TLN2: variants seen among roughly 807,000 people sequenced by gnomAD.
TLN2 encodes the protein talin-2.
Under a neutral mutation model 294.7 loss-of-function variants are expected in TLN2, and 118 were observed. That is an observed-to-expected ratio of 0.40 (90% CI 0.34 to 0.47). The LOEUF is 0.47. Ranked by LOEUF, TLN2 falls within the 20% of genes least tolerant of loss-of-function variation. TLN2 has a pLI of 0.84. For synonymous variants in TLN2, 1,431 were observed against 1,304.5 expected (o/e 1.10, Z -2.09); for missense variants, 3,083 against 3,282.2 (o/e 0.94, Z 1.48).
chr15:62,515,423 T>C (rs985980901), intron 1 of TLN2, among the ~76,000 whole-genome samples: 5 of 152,200 alleles, frequency 3.3e-5, no homozygotes, highest in African/African-American at 1.2e-4. Flanking sequence ...AGCCAGCAAG[T>C]TGTGGTCTTG....
At chr15:62,761,909 C>T (rs566312990) in intron 38 of TLN2, 88 bp downstream of exon 38, 51 of 1,545,460 alleles carry the variant, frequency 3.3e-5, no homozygotes, top group Non-Finnish European at 4.1e-5. Flanking sequence ...ACTCCAACAG[C>T]TCTCTCTGTC....
intron 57 of TLN2, among the ~76,000 whole-genome samples, chr15:62,836,310 C>T (rs151094528): frequency 6.6e-6 from 1 of 152,250 alleles, no homozygotes; most frequent in Admixed American, 6.5e-5. Flanking sequence ...TCCTCGCCAG[C>T]CCAACCCAGC....
At chr15:62,643,424 TTTTTTTTTTTTTTTTTG>T (rs1411386593) in intron 3 of TLN2, among the ~76,000 whole-genome samples, 1 of 147,116 alleles carries the variant, frequency 6.8e-6, no homozygotes. Flanking sequence ...TTTTTTTTTT[TTTTTTTTTTTTTTTTTG>T]GTATATTGTG....
In TLN2 at chr15:62,545,926, C is replaced by G. The variant is rs1185077693; in HGVS notation, c.-237-43761C>G. Among the ~76,000 whole-genome samples the G allele has an allele frequency of 2.6e-5, 4 of 152,160 alleles. No individual in the cohort carries two copies. In the East Asian group the frequency reaches 5.8e-4, roughly 22 times the overall value. On this transcript the variant is annotated intron_variant, in intron 1 of 58. Transcript: ENST00000636159. ...GAGAGAGTGCCAGAAGAGGACTTGG[C>G]AATGTCTCAGCATTCCAGGTCTTTG...
rs112574950 is a variant in TLN2 at position 62,599,812 on chromosome 15, C to A, written c.-162+10050C>A. Among the ~76,000 whole-genome samples, 124 of 152,200 alleles carry A rather than the reference C, an allele frequency of 8.1e-4. 1 individual carries two copies. The highest frequency in any genetic ancestry group is 2.9e-3 in the African/African-American group (120 of 41,514). ...CGGCACAGAGGGTGAGCTGTGTGAA[C>A]GTGGGAGTGAGCGCTTGCTGTCCCT... is the stretch of plus-strand genomic sequence containing the variant. On this transcript the variant is annotated intron_variant, in intron 2 of 58. Coordinates refer to ENST00000636159, the MANE Select transcript of TLN2 (RefSeq NM_015059.3).
intron 55 of TLN2, 72 bp from the exon 56 acceptor site, chr15:62,835,665 G>T: frequency 6.4e-7 from 1 of 1,560,356 alleles, no homozygotes; most frequent in Non-Finnish European, 8.8e-7. Flanking sequence ...CCCGAGCAAG[G>T]TCTGGGGATG....
intron 1 of TLN2, chr15:62,561,625 A>C (rs2042964140): frequency 1.3e-5 from 2 of 152,234 alleles, no homozygotes; most frequent in African/African-American, 4.8e-5. Context: ...CTAATGAGCC[A>C]AGCGCTTTCT....
chr15:62,781,822 G>C (rs373254489), intron 44 of TLN2, among the ~76,000 whole-genome samples: 32 of 152,192 alleles, frequency 2.1e-4, no homozygotes, highest in African/African-American at 7.7e-4. Flanking sequence ...TTTGGTTTTT[G>C]TTGTTTTGTT....
At position 62,436,475 on chromosome 15, in the gene TLN2, T is replaced by C. The variant is rs150342601; in HGVS notation, c.-238+45790T>C. Among the ~76,000 whole-genome samples the C allele has an allele frequency of 2.0e-3, 298 of 152,282 alleles. 4 individuals carry two copies. The highest frequency in any genetic ancestry group is 6.7e-3 in the African/African-American group (279 of 41,556). ...TAACCTGAGTGGGAGTTTGCCAGCC[T>C]TTCGTGAGCAGGTGGCAGGATGTCA... On this transcript the variant is annotated intron_variant, in intron 1 of 58. Transcript: ENST00000636159.
chr15:62,670,665 A>C (rs1175424066), intron 9 of TLN2, among the ~76,000 whole-genome samples: 2 of 152,176 alleles, frequency 1.3e-5, no homozygotes, highest in Non-Finnish European at 2.9e-5. Flanking sequence ...TTAGATCCAA[A>C]TGATGTTCCA....
intron 2 of TLN2, among the ~76,000 whole-genome samples, chr15:62,608,854 G>A (rs1342622948): frequency 6.6e-6 from 1 of 152,084 alleles, no homozygotes; most frequent in Non-Finnish European, 1.5e-5. Flanking sequence ...GAGAGAACTT[G>A]AGGAGATTAT....
At chr15:62,667,190 T>A (rs973257399) in intron 9 of TLN2, among the ~76,000 whole-genome samples, 2 of 152,096 alleles carry the variant, frequency 1.3e-5, no homozygotes, top group Non-Finnish European at 1.5e-5. Flanking sequence ...ATGGTCTCGA[T>A]CTCCTGACCT....
At chr15:62,614,029 C>T (rs1234879648) in intron 2 of TLN2, among the ~76,000 whole-genome samples, 1 of 152,156 alleles carries the variant, frequency 6.6e-6, no homozygotes, top group Admixed American at 6.6e-5. Flanking sequence ...AAGCTAATGG[C>T]TGTGTTCATC....
chr15:62,809,061 C>G (rs933507516), intron 51 of TLN2, among the ~76,000 whole-genome samples: 1 of 152,156 alleles, frequency 6.6e-6, no homozygotes. Context: ...TTATGTATTT[C>G]TGCAAGCCCC....
At chr15:62,797,791 C>T (rs779081509) in intron 48 of TLN2, among the ~76,000 whole-genome samples, 3 of 152,104 alleles carry the variant, frequency 2.0e-5, no homozygotes, top group South Asian at 2.1e-4. Context: ...ATTGAAGTGC[C>T]GGAGCCACAC....
chr15:62,671,156 G>A (rs1218403755), intron 9 of TLN2, among the ~76,000 whole-genome samples: 3 of 151,980 alleles, frequency 2.0e-5, no homozygotes, highest in Non-Finnish European at 2.9e-5. Context: ...TCAGTTAAAG[G>A]TTTTTTATAT....
intron 25 of TLN2, among the ~76,000 whole-genome samples, chr15:62,721,948 A>T (rs1175735653): frequency 6.6e-6 from 1 of 152,202 alleles, no homozygotes; most frequent in African/African-American, 2.4e-5. Flanking sequence ...GTGCGAGGTC[A>T]TGTTAGCTGT....
In TLN2 at chr15:62,633,548, T is replaced by C. The variant is rs1359432397; in HGVS notation, c.-36-13727T>C. 2.0e-5 allele frequency among the ~76,000 whole-genome samples: 3 copies of C among 152,180 alleles called. No individual in the cohort carries two copies. In the East Asian group the frequency reaches 5.8e-4, roughly 29 times the overall value. ...TCGAACTCCTGGACTCAAGCAATCC[T>C]CCCACCCCAGCCTTTGAGTCAATGG... On this transcript the variant is annotated intron_variant, in intron 3 of 58. Transcript: ENST00000636159.
chr15:62,568,929 T>A (rs990132506), intron 1 of TLN2, among the ~76,000 whole-genome samples: 4 of 152,140 alleles, frequency 2.6e-5, no homozygotes, highest in Non-Finnish European at 4.4e-5. Flanking sequence ...TGGTGGCTTG[T>A]AACGACAGGA....
Sources: allele counts gnomAD v4.1 joint callset (sites outside exome capture counted in the v4.1 genomes callset), GRCh38; gene constraint gnomAD v4.1.1; transcripts MANE v1.5; gene names NCBI Gene and HGNC (gene_info 2026-07-23, HGNC 2026-07-21).